The following THSD7B variants were observed in gnomAD, a reference collection of about 807,000 sequenced individuals.
The protein encoded by THSD7B is thrombospondin type-1 domain-containing protein 7B.
A neutral mutation model predicts 213.6 loss-of-function variants in THSD7B; 138 were observed. The ratio of observed to expected loss-of-function variants is 0.65; its 90% CI spans 0.56 to 0.74. THSD7B has a LOEUF of 0.74. Among genes scored for constraint, THSD7B ranks in the 30% least tolerant of loss-of-function variants. The pLI is 0.00. For synonymous variants in THSD7B, 742 were observed against 687.0 expected (o/e 1.08, Z -1.25); for missense variants, 1,931 against 1,991.5 (o/e 0.97, Z 0.58).
At chr2:136,800,811 CA>C (rs1016521280) in intron 1 of THSD7B, among the ~76,000 whole-genome samples, 1 of 151,628 alleles carries the variant, frequency 6.6e-6, no homozygotes, top group African/African-American at 2.4e-5. Context: ...ATTAACTTCT[CA>C]ATTTTTTTTC....
intron 1 of THSD7B, among the ~76,000 whole-genome samples, chr2:136,773,855 AATG>A (rs1558800453): frequency 2.0e-5 from 3 of 152,012 alleles, no homozygotes; most frequent in Non-Finnish European, 4.4e-5. Context: ...TTTGTTTATT[AATG>A]TTTTCTTTAG....
intron 6 of THSD7B, 22 bp downstream of exon 6, chr2:137,160,390 G>A (rs757580729): frequency 1.2e-5 from 19 of 1,608,212 alleles, no homozygotes; most frequent in East Asian, 6.7e-5. Flanking sequence ...GTTTGCATGC[G>A]CTTCATTTGC....
chr2:137,150,031 C>A (rs764344058), intron 5 of THSD7B, among the ~76,000 whole-genome samples: 6 of 152,070 alleles, frequency 3.9e-5, no homozygotes, highest in Admixed American at 1.3e-4. Context: ...CACCTGAGGT[C>A]AGGAGTTCGA....
chr2:137,274,991 A>G (rs186728286), intron 11 of THSD7B, among the ~76,000 whole-genome samples: 1 of 152,186 alleles, frequency 6.6e-6, no homozygotes, highest in East Asian at 1.9e-4. Context: ...TGAAGTAGTT[A>G]TCAGAGGTAC....
chr2:137,010,830 G>A (rs778666038), intron 2 of THSD7B, among the ~76,000 whole-genome samples: 8 of 152,152 alleles, frequency 5.3e-5, no homozygotes, highest in African/African-American at 9.7e-5. Flanking sequence ...CATTCAATAA[G>A]AATTAAAATA....
At chr2:137,292,327 T>C (rs778513238) in intron 12 of THSD7B, among the ~76,000 whole-genome samples, 16 of 152,148 alleles carry the variant, frequency 1.1e-4, no homozygotes, top group Non-Finnish European at 2.1e-4. Context: ...TTTCAACATA[T>C]GGGTCCAAGG....
intron 3 of THSD7B, among the ~76,000 whole-genome samples, chr2:137,069,317 T>A (rs1387061973): frequency 6.6e-6 from 1 of 152,138 alleles, no homozygotes; most frequent in Non-Finnish European, 1.5e-5. Flanking sequence ...TTTGTTTTTG[T>A]TTCACCTTGT....
At chr2:137,673,082 T>C (rs536723303) in intron 27 of THSD7B, among the ~76,000 whole-genome samples, 1 of 152,326 alleles carries the variant, frequency 6.6e-6, no homozygotes, top group African/African-American at 2.4e-5. Context: ...CTCTCACAAA[T>C]GGCTGCCAAA....
At chr2:136,788,086 G>A (rs1468696446) in intron 1 of THSD7B, among the ~76,000 whole-genome samples, 3 of 152,190 alleles carry the variant, frequency 2.0e-5, no homozygotes, top group African/African-American at 7.2e-5. Flanking sequence ...CAACTGGAGG[G>A]TAAGGTTAAG....
intron 2 of THSD7B, among the ~76,000 whole-genome samples, chr2:136,918,998 A>T (rs959462141): frequency 6.6e-6 from 1 of 152,174 alleles, no homozygotes; most frequent in Non-Finnish European, 1.5e-5. Flanking sequence ...TATACCTCAG[A>T]TCCTCCTTGT....
rs113309947 is a variant in THSD7B at position 136,965,002 on chromosome 2, C to A, written c.139+82685C>A. Among the ~76,000 whole-genome samples the A allele has an allele frequency of 7.9e-3, 974 of 123,068 alleles. 9 individuals are homozygous for A. Among genetic ancestry groups the A allele is most frequent in the African/African-American group, 0.028 (908 of 32,878 alleles). The allele number at this position is 123,068 out of a possible 152,430, so 80.7% of individuals were successfully genotyped here. ...CTCCAGCCTGGGTGACAGAGTGAGA[C>A]CCTGTCTCAAAAAAAAAAAAAAAAA... On this transcript the variant is annotated intron_variant, in intron 2 of 27. Transcript: ENST00000409968.
chr2:137,415,193 G>A (rs982419754), intron 14 of THSD7B, among the ~76,000 whole-genome samples: 1 of 151,884 alleles, frequency 6.6e-6, no homozygotes, highest in Admixed American at 6.6e-5. Context: ...TTGCATTTTA[G>A]ACATGAGCAG....
At chr2:136,768,954 T>A (rs1395485039) in intron 1 of THSD7B, among the ~76,000 whole-genome samples, 6 of 152,114 alleles carry the variant, frequency 3.9e-5, no homozygotes, top group African/African-American at 1.4e-4. Context: ...AGTAGAGGGA[T>A]TTTTAACTCC....
chr2:136,980,475 C>T (rs957057647), intron 2 of THSD7B, among the ~76,000 whole-genome samples: 1 of 152,154 alleles, frequency 6.6e-6, no homozygotes, highest in Non-Finnish European at 1.5e-5. Flanking sequence ...GAGGCCCCAC[C>T]CCATGAGGAG....
intron 1 of THSD7B, among the ~76,000 whole-genome samples, chr2:136,870,367 A>G (rs1435910884): frequency 1.3e-5 from 2 of 152,226 alleles, no homozygotes; most frequent in Non-Finnish European, 2.9e-5. Context: ...TCAATAGTCC[A>G]TGGATCCATT....
intron 5 of THSD7B, among the ~76,000 whole-genome samples, chr2:137,115,708 G>T (rs540532912): frequency 2.0e-5 from 3 of 152,090 alleles, no homozygotes; most frequent in Admixed American, 2.0e-4. Flanking sequence ...CCTTTCAAAT[G>T]TCAAGGATCC....
intron 15 of THSD7B, among the ~76,000 whole-genome samples, chr2:137,561,684 T>G (rs1025594313): frequency 3.3e-5 from 5 of 152,166 alleles, no homozygotes; most frequent in Non-Finnish European, 7.4e-5. Context: ...CTCTTCATTT[T>G]TATAGATTAT....
chr2:137,369,392 C>T (rs1685494946), intron 12 of THSD7B, among the ~76,000 whole-genome samples: 1 of 152,124 alleles, frequency 6.6e-6, no homozygotes, highest in Non-Finnish European at 1.5e-5. Context: ...TAGAGATGCC[C>T]TCAATGCCAG....
chr2:137,623,773 G>A (rs1682568105), intron 20 of THSD7B, among the ~76,000 whole-genome samples: 2 of 152,140 alleles, frequency 1.3e-5, no homozygotes, highest in South Asian at 4.1e-4. Flanking sequence ...AACTTACAAG[G>A]GATGTGAAGG....
Sources: gnomAD v4.1 joint callset for allele counts (sites outside exome capture counted in the v4.1 genomes callset) on GRCh38, gnomAD v4.1.1 for gene constraint, MANE v1.5 for transcripts, NCBI Gene and HGNC (gene_info 2026-07-23, HGNC 2026-07-21) for gene names.